Variants in PTPN9 observed in about 807,000 individuals in gnomAD.
PTPN9 encodes protein tyrosine phosphatase non-receptor type 9.
A neutral mutation model predicts 69.8 loss-of-function variants in PTPN9; 26 were observed. That is an observed-to-expected ratio of 0.37 (90% CI 0.27 to 0.52). The LOEUF (loss-of-function observed/expected upper bound fraction) is 0.52. Among genes scored for constraint, PTPN9 ranks in the 20% least tolerant of loss-of-function variants. The pLI, the probability that PTPN9 is intolerant of heterozygous loss-of-function variation, is 0.91. For synonymous variants in PTPN9, 274 were observed against 272.5 expected, an observed-to-expected ratio of 1.01 and a Z score of -0.05; for missense variants, 549 against 740.3, an observed-to-expected ratio of 0.74 and a Z score of 3.00.
chr15:75,494,375 CAG>C (rs2074728247), intron 7 of PTPN9, among the ~76,000 whole-genome samples: 1 of 151,832 alleles, frequency 6.6e-6, no homozygotes, highest in Admixed American at 6.6e-5. Flanking sequence ...AGGGGGTGGA[CAG>C]AGTCTCGCTC....
At chr15:75,486,815 T>C (rs1303763434) in intron 8 of PTPN9, among the ~76,000 whole-genome samples, 1 of 149,112 alleles carries the variant, frequency 6.7e-6, no homozygotes, top group African/African-American at 2.5e-5. Flanking sequence ...ACGGAGTCTT[T>C]GCTCTGTTGC....
intron 5 of PTPN9, among the ~76,000 whole-genome samples, chr15:75,516,702 C>A (rs555193023): frequency 9.9e-5 from 15 of 151,442 alleles, no homozygotes; most frequent in Non-Finnish European, 1.6e-4. Context: ...GTCATGGCAC[C>A]CAGCCCATCC....
At chr15:75,493,633 G>A (rs553545272) in intron 7 of PTPN9, among the ~76,000 whole-genome samples, 6 of 151,990 alleles carry the variant, frequency 3.9e-5, no homozygotes, top group Non-Finnish European at 7.4e-5. Flanking sequence ...GGTGGCACAC[G>A]CTTTGTAGTC....
Position 75,505,689 on chromosome 15 carries a change from A to G in PTPN9, c.954T>C (p.Thr318=). The change falls in exon 7 of 13, where the codon ACT becomes ACC. Residue 318 remains threonine, a synonymous_variant. Transcript: ENST00000618819. Reference sequence around the variant, plus strand: ...TTTCTACTTACATGGAACAGTGGAAAGTGCCAACAGGGTTCTCACGACGAA... The same window carrying G: ...TTTCTACTTACATGGAACAGTGGAAGGTGCCAACAGGGTTCTCACGACGAA... The part of the protein sequence containing the change: ...EDIRRENPVG[T]FHCSMSPGNL... The G allele has an allele frequency of 1.9e-6, 3 of 1,613,464 alleles. No homozygotes were observed. Among genetic ancestry groups the G allele is most frequent in the Non-Finnish European group, 2.5e-6 (3 of 1,179,568 alleles).
At chr15:75,558,719 C>T (rs1471626263) in intron 1 of PTPN9, among the ~76,000 whole-genome samples, 2 of 152,190 alleles carry the variant, frequency 1.3e-5, no homozygotes, top group African/African-American at 2.4e-5. Context: ...TTGGTGGAGA[C>T]GGGGTTTCGC....
In PTPN9 at chr15:75,579,211, C is replaced by A; in HGVS notation, c.-435G>T. 1 of 152,386 alleles carries A rather than the reference C, an allele frequency of 6.6e-6. No individual in the cohort carries two copies. The highest frequency in any genetic ancestry group is 1.9e-4 in the East Asian group (1 of 5,162). The allele number at this position is 152,386 out of a possible 1,614,324, so 9.4% of individuals were successfully genotyped here. On this transcript the variant is annotated 5_prime_UTR_variant, in exon 1 of 13. Transcript: ENST00000618819. ...CCGCGCTCCCGCTCCTCCACAGCGC[C>A]ACAGAGCTCGGGGCCGCCCAGCCGG...
chr15:75,469,723 A>C, intron 12 of PTPN9, 69 bp downstream of exon 12: 37 of 1,519,754 alleles, frequency 2.4e-5, no homozygotes, highest in Non-Finnish European at 2.9e-5. Flanking sequence ...ATGTGGGCTA[A>C]GAGCTTTGTT....
chr15:75,493,222 A>T (rs772714232), intron 7 of PTPN9, among the ~76,000 whole-genome samples: 3 of 151,580 alleles, frequency 2.0e-5, no homozygotes, highest in East Asian at 1.9e-4. Flanking sequence ...ACAGAAGTTT[A>T]AAAAAAAAGA....
intron 5 of PTPN9, among the ~76,000 whole-genome samples, chr15:75,513,987 T>G (rs2074855734): frequency 6.6e-6 from 1 of 150,520 alleles, no homozygotes; most frequent in Non-Finnish European, 1.5e-5. Context: ...TAATCCCAAC[T>G]ACTTGGGAAA....
At chr15:75,556,372 T>G (rs921343073) in intron 1 of PTPN9, among the ~76,000 whole-genome samples, 3 of 150,106 alleles carry the variant, frequency 2.0e-5, no homozygotes, top group African/African-American at 7.4e-5. Context: ...TTTTTTTTAA[T>G]TATTATTTTA....
At chr15:75,547,585 G>A (rs1163954642) in intron 1 of PTPN9, among the ~76,000 whole-genome samples, 1 of 152,006 alleles carries the variant, frequency 6.6e-6, no homozygotes, top group African/African-American at 2.4e-5. Context: ...GGCTATCCTT[G>A]AAGGCATTGT....
chr15:75,578,881 G>A lies in PTPN9; in HGVS notation c.-105C>T, dbSNP rs2075186696. The A allele has an allele frequency of 7.6e-6, 6 of 787,648 alleles. No homozygotes were observed. In the South Asian group the frequency reaches 3.8e-4, roughly 50 times the overall value. The allele number at this position is 787,648 out of a possible 1,614,324, so 48.8% of individuals were successfully genotyped here. On this transcript the variant is annotated 5_prime_UTR_variant, in exon 1 of 13. Coordinates refer to ENST00000618819, the MANE Select transcript of PTPN9 (RefSeq NM_002833.4). ...CCCCGCGCCTCAGCAGCCCGGGGCC[G>A]GCTCGCGCATAGTGTGGCCGGCAGG...
At chr15:75,485,871 C>T (rs371233783) in intron 8 of PTPN9, among the ~76,000 whole-genome samples, 22 of 150,770 alleles carry the variant, frequency 1.5e-4, no homozygotes, top group Middle Eastern at 3.4e-3. Context: ...GAGGCCAAGG[C>T]GGGCAGATCA....
chr15:75,515,600 T>C (rs999562295), intron 5 of PTPN9, among the ~76,000 whole-genome samples: 1 of 151,650 alleles, frequency 6.6e-6, no homozygotes, highest in African/African-American at 2.4e-5. Flanking sequence ...AGACTCTGTC[T>C]CTATTTAAAA....
chr15:75,530,532 TA>T (rs2074952246), intron 1 of PTPN9, among the ~76,000 whole-genome samples: 2 of 53,174 alleles, frequency 3.8e-5, no homozygotes, highest in African/African-American at 2.5e-4. Context: ...ATTTATTATA[TA>T]ATATTATTAT....
chr15:75,544,488 C>T (rs1023094550), intron 1 of PTPN9, among the ~76,000 whole-genome samples: 13 of 152,248 alleles, frequency 8.5e-5, no homozygotes, highest in African/African-American at 3.1e-4. Context: ...TGTGATGATG[C>T]CACTGTGTTC....
At chr15:75,498,357 G>A (rs907383873) in intron 7 of PTPN9, among the ~76,000 whole-genome samples, 15 of 152,012 alleles carry the variant, frequency 9.9e-5, no homozygotes, top group Admixed American at 3.3e-4. Flanking sequence ...GAGAAATGGA[G>A]AATAGATTAG....
chr15:75,521,472 A>T lies in PTPN9; in HGVS notation c.422+1649T>A, dbSNP rs868225953. Among the ~76,000 whole-genome samples the T allele has an allele frequency of 4.6e-5, 7 of 151,930 alleles. No homozygotes were observed. The South Asian group carries it at 1.0e-3, about 23-fold the overall frequency. ...GTCTCAAAGGAAAAAAAAAATAAAA[A>T]AAATATTTTTTTAATTCTTGAGCTA... is the stretch of plus-strand genomic sequence containing the variant. On this transcript the variant is annotated intron_variant, in intron 4 of 12. Coordinates refer to ENST00000618819, the MANE Select transcript of PTPN9 (RefSeq NM_002833.4).
chr15:75,559,832 T>C (rs903143694), intron 1 of PTPN9, among the ~76,000 whole-genome samples: 4 of 148,468 alleles, frequency 2.7e-5, no homozygotes, highest in African/African-American at 5.0e-5. Context: ...AAAAAATGAA[T>C]ATTTTTTTCT....
Sources: allele counts gnomAD v4.1 joint callset (sites outside exome capture counted in the v4.1 genomes callset), GRCh38; gene constraint gnomAD v4.1.1; transcripts MANE v1.5; gene names NCBI Gene and HGNC (gene_info 2026-07-23, HGNC 2026-07-21).